RAB5IF: variants seen among roughly 807,000 people sequenced by gnomAD.
RAB5IF encodes RAB5 interacting factor.
Under a neutral mutation model 20.3 loss-of-function variants are expected in RAB5IF, and 15 were observed. The ratio of observed to expected loss-of-function variants is 0.74; its 90% CI spans 0.50 to 1.14. The LOEUF is 1.14. RAB5IF is among the 50% of genes most tolerant of loss of function. The probability of loss-of-function intolerance (pLI) is 0.00; values close to 1 mark genes in which losing one functional copy is unlikely to be tolerated. For synonymous variants in RAB5IF, 67 were observed against 63.7 expected (o/e 1.05, Z -0.25); for missense variants, 148 against 159.5 (o/e 0.93, Z 0.39).
chr20:36,607,733 A>T lies in RAB5IF; in HGVS notation c.133A>T (p.Ile45Phe). 6.2e-7 allele frequency: 1 copy of T among 1,613,984 alleles called. No individual in the cohort carries two copies. Among genetic ancestry groups the T allele is most frequent in the Non-Finnish European group, 8.5e-7 (1 of 1,179,942 alleles). The change falls in exon 2 of 4, where the codon ATC becomes TTC. Residue 45 changes from isoleucine (I) to phenylalanine (F), a missense_variant. Ile to Phe is a conservative substitution (Grantham distance 21). Transcript: ENST00000344795. ...TCTACAGGATGAATTTTTAGATGTG[A>T]TCTACTGGTTCCGACAGATCATTGC... ...WEDKDEFLDVIYWFRQIIAVV... is the reference protein window; with the variant it reads ...WEDKDEFLDVFYWFRQIIAVV...
At chr20:36,606,845 T>C (rs1297227498) in intron 1 of RAB5IF, among the ~76,000 whole-genome samples, 1 of 152,208 alleles carries the variant, frequency 6.6e-6, no homozygotes, top group Non-Finnish European at 1.5e-5. Flanking sequence ...CGTATTATAT[T>C]TGCAGTCATT....
chr20:36,606,753 C>T (rs183894341), intron 1 of RAB5IF, among the ~76,000 whole-genome samples: 1 of 152,300 alleles, frequency 6.6e-6, no homozygotes, highest in East Asian at 1.9e-4. Context: ...TTACTCGTCC[C>T]ATTCGGAGGA....
intron 2 of RAB5IF, among the ~76,000 whole-genome samples, chr20:36,609,191 ACACGCACACAC>A (rs2039024459): frequency 1.5e-4 from 8 of 52,686 alleles, no homozygotes; most frequent in South Asian, 1.4e-3. Context: ...ACACACACAC[ACACGCACACAC>A]GCACACACGC....
chr20:36,608,553 ATTC>A (rs1250427730), intron 2 of RAB5IF, among the ~76,000 whole-genome samples: 2 of 131,236 alleles, frequency 1.5e-5, no homozygotes, highest in Non-Finnish European at 3.2e-5. Flanking sequence ...CATCGGTCTC[ATTC>A]TTTTTTTTTT....
chr20:36,606,011 C>CA lies in RAB5IF; in HGVS notation c.63dup (p.Val22SerfsTer6). The CA allele has an allele frequency of 6.5e-7, 1 of 1,529,728 alleles. No individual in the cohort carries two copies. The highest frequency in any genetic ancestry group is 8.8e-7 in the Non-Finnish European group (1 of 1,135,642). 94.8% of individuals were successfully genotyped at this position (1,529,728 alleles called of 1,614,324 possible). On this transcript the variant is annotated frameshift_variant, in exon 1 of 4. Transcript: ENST00000344795. LOFTEE classifies it high-confidence loss of function. ...AGCCGCAGCTGGCCAACGGGGCCCT[C>CA]AAAGTCTCCGTCTGGAGTAAGGTGC... is the stretch of plus-strand genomic sequence containing the variant.
At chr20:36,609,068 CTGGAGCTACCTGGAGGCCCATGTCAGG>C (rs374944503) in intron 2 of RAB5IF, among the ~76,000 whole-genome samples, 14 of 151,546 alleles carry the variant, frequency 9.2e-5, no homozygotes, top group African/African-American at 3.1e-4. Flanking sequence ...CACACCCTAG[CTGGAGCTACCTGGAGGCCCATGTCAGG>C]TCCCGCTTGG....
chr20:36,609,185 ACACACACAC>A (rs2039021967), intron 2 of RAB5IF, among the ~76,000 whole-genome samples: 1 of 47,954 alleles, frequency 2.1e-5, no homozygotes, highest in East Asian at 5.7e-4. Flanking sequence ...ACACACACAC[ACACACACAC>A]GCACACACGC....
chr20:36,607,691 T>C, intron 1 of RAB5IF, 24 bp from the exon 2 acceptor site: 5 of 1,613,064 alleles, frequency 3.1e-6, no homozygotes, highest in Non-Finnish European at 4.2e-6. Flanking sequence ...CAGATAATTC[T>C]TGCATTTTCT....
Position 36,609,698 on chromosome 20 carries a change from G to A in RAB5IF, c.316G>A (p.Glu106Lys). 1 of 1,614,208 alleles carries A rather than the reference G, an allele frequency of 6.2e-7. No homozygotes were observed. The highest frequency in any genetic ancestry group is 8.5e-7 in the Non-Finnish European group (1 of 1,180,034). ...EYGGTWELTKEGFMTSFALFM... is the reference protein window; with the variant it reads ...EYGGTWELTKKGFMTSFALFM... ...TGGTGGCACGTGGGAGCTCACGAAG[G>A]AAGGGTTTATGACCTCTTTTGCCTT... The change falls in exon 3 of 4, where the codon GAA becomes AAA. Residue 106 changes from glutamate (E) to lysine (K), a missense_variant. Coordinates refer to ENST00000344795, the MANE Select transcript of RAB5IF (RefSeq NM_018840.5).
intron 2 of RAB5IF, 71 bp downstream of exon 2, chr20:36,607,889 G>A (rs2038972421): frequency 6.3e-7 from 1 of 1,594,406 alleles, no homozygotes; most frequent in Non-Finnish European, 8.6e-7. Context: ...TCCTGTTACA[G>A]GAAAGGCCAT....
intron 3 of RAB5IF, 188 bp downstream of exon 3, chr20:36,609,918 T>G: frequency 3.8e-5 from 32 of 841,232 alleles, no homozygotes; most frequent in Non-Finnish European, 5.3e-5. Flanking sequence ...TACTGTACAG[T>G]CCCCTGTAAT....
At chr20:36,606,275 C>T (rs970823783) in intron 1 of RAB5IF, among the ~76,000 whole-genome samples, 4 of 152,186 alleles carry the variant, frequency 2.6e-5, no homozygotes, top group African/African-American at 9.7e-5. Flanking sequence ...AGGATGAAGC[C>T]CCCTAGTTAT....
chr20:36,611,950 T>C, intron 3 of RAB5IF, 60 bp from the exon 4 acceptor site: 1 of 1,603,678 alleles, frequency 6.2e-7, no homozygotes, highest in East Asian at 2.2e-5. Context: ...CATTTTTGTT[T>C]TGTGGAATCG....
chr20:36,609,158 C>CATACATAT (rs1278640879), intron 2 of RAB5IF, among the ~76,000 whole-genome samples: 4 of 9,630 alleles, frequency 4.2e-4, no homozygotes, highest in African/African-American at 2.1e-3. Flanking sequence ...AACTATATTA[C>CATACATAT]ACACACACAC....
rs778133744 is a variant in RAB5IF, at chr20:36,612,000, T to C, written c.349-10T>C. On this transcript the variant is annotated splice_polypyrimidine_tract_variant and intron_variant, in intron 3 of 3. Transcript: ENST00000344795. ...AGGTGACCTATGAACAGTGCTTGTC[T>C]CCTCACTAGGTCATTTGGATCATCT... 6.2e-7 allele frequency: 1 copy of C among 1,614,148 alleles called. No individual in the cohort carries two copies. Among genetic ancestry groups the C allele is most frequent in the East Asian group, 2.2e-5 (1 of 44,886 alleles).
intron 3 of RAB5IF, 180 bp downstream of exon 3, chr20:36,609,910 C>T: frequency 3.1e-6 from 3 of 960,614 alleles, no homozygotes; most frequent in South Asian, 1.6e-5. Flanking sequence ...GTCTGATATA[C>T]TGTACAGTCC....
intron 3 of RAB5IF, 28 bp from the exon 4 acceptor site, chr20:36,611,982 C>G: frequency 1.1e-5 from 17 of 1,613,682 alleles, no homozygotes; most frequent in Non-Finnish European, 1.4e-5. Context: ...GCCAGGTGAC[C>G]TATGAACAGT....
At position 36,610,850 on chromosome 20, in the gene RAB5IF, C is replaced by G. The variant is rs561785029; in HGVS notation, c.348+1120C>G. Among the ~76,000 whole-genome samples, 8 of 152,262 alleles carry G rather than the reference C, an allele frequency of 5.3e-5. No homozygotes were observed. In the East Asian group the frequency reaches 9.6e-4, roughly 18 times the overall value. ...TCCACAGTGAGCAAAGCCATAGAGG[C>G]AAAAAGTAGATTAGTGGTTGCCAGT... On this transcript the variant is annotated intron_variant, in intron 3 of 3. Transcript: ENST00000344795.
intron 3 of RAB5IF, 121 bp downstream of exon 3, chr20:36,609,851 C>G (rs2039066196): frequency 6.3e-7 from 1 of 1,584,764 alleles, no homozygotes; most frequent in Middle Eastern, 1.9e-4. Context: ...CTAAAGGCTT[C>G]TGAGGCTCAG....
Sources: gnomAD v4.1 joint callset for allele counts (sites outside exome capture counted in the v4.1 genomes callset) on GRCh38, gnomAD v4.1.1 for gene constraint, MANE v1.5 for transcripts, NCBI Gene and HGNC (gene_info 2026-07-23, HGNC 2026-07-21) for gene names.